EPHA6: variants seen among roughly 807,000 people sequenced by gnomAD.
EPHA6 encodes the protein EPH receptor A6, also known as ephrin type-A receptor 6.
EPHA6 carries 50 observed loss-of-function variants against 112.0 expected under a neutral mutation model. The observed-to-expected ratio is 0.45, with a 90% CI of 0.36 to 0.56. EPHA6 has a LOEUF of 0.56. EPHA6 is among the 20% of genes least tolerant of loss of function. The pLI is 0.00. For missense variants in EPHA6, 1,280 were observed against 1,417.4 expected (o/e 0.90, Z 1.56); for synonymous variants, 529 against 490.7 (o/e 1.08, Z -1.03).
At chr3:96,960,824 C>T (rs1457935350) in intron 2 of EPHA6, among the ~76,000 whole-genome samples, 1 of 152,140 alleles carries the variant, frequency 6.6e-6, no homozygotes, top group East Asian at 1.9e-4. Flanking sequence ...TATATCATAG[C>T]TGATTTCAGC....
intron 6 of EPHA6, among the ~76,000 whole-genome samples, chr3:97,418,283 A>T (rs1015919345): frequency 6.6e-6 from 1 of 151,986 alleles, no homozygotes; most frequent in African/African-American, 2.4e-5. Context: ...ACTGGACTTC[A>T]TTCTAAGAAA....
chr3:96,891,786 C>G (rs2037980567), intron 2 of EPHA6, among the ~76,000 whole-genome samples: 1 of 152,140 alleles, frequency 6.6e-6, no homozygotes. Flanking sequence ...GGGTCTGTTC[C>G]ATTTGAGAAA....
intron 15 of EPHA6, among the ~76,000 whole-genome samples, chr3:97,730,030 A>G (rs1559633123): frequency 6.6e-6 from 1 of 152,114 alleles, no homozygotes; most frequent in Admixed American, 6.6e-5. Flanking sequence ...ATAAATAACT[A>G]AATTCAACGT....
At chr3:97,671,523 G>C (rs1299576907) in intron 14 of EPHA6, among the ~76,000 whole-genome samples, 1 of 152,098 alleles carries the variant, frequency 6.6e-6, no homozygotes, top group African/African-American at 2.4e-5. Flanking sequence ...GAAAATATGG[G>C]TTTGTGAGAG....
chr3:97,740,673 CTG>C (rs1450498195), intron 16 of EPHA6, among the ~76,000 whole-genome samples: 1 of 152,120 alleles, frequency 6.6e-6, no homozygotes, highest in African/African-American at 2.4e-5. Context: ...CTTTAAAAAA[CTG>C]TGAATAATGC....
intron 5 of EPHA6, among the ~76,000 whole-genome samples, chr3:97,268,965 CTA>C (rs1346925071): frequency 6.6e-6 from 1 of 152,104 alleles, no homozygotes; most frequent in African/African-American, 2.4e-5. Context: ...GAGTTTCTAA[CTA>C]TATGTTACTT....
chr3:97,625,908 G>A (rs1219474187), intron 13 of EPHA6, among the ~76,000 whole-genome samples: 2 of 151,620 alleles, frequency 1.3e-5, no homozygotes, highest in South Asian at 4.1e-4. Flanking sequence ...CCCAAGACTG[G>A]AGTGTTGGGA....
intron 2 of EPHA6, among the ~76,000 whole-genome samples, chr3:96,879,460 A>G (rs1210033200): frequency 6.6e-6 from 1 of 152,100 alleles, no homozygotes; most frequent in East Asian, 1.9e-4. Flanking sequence ...GGGAAGGTAC[A>G]GGGGAGGGAA....
intron 5 of EPHA6, among the ~76,000 whole-genome samples, chr3:97,300,307 C>T (rs1473583504): frequency 4.6e-5 from 7 of 152,160 alleles, no homozygotes; most frequent in Admixed American, 3.9e-4. Context: ...TTAAAAGCCA[C>T]TGTGCACTTC....
chr3:97,688,724 A>T (rs991364003), intron 14 of EPHA6, among the ~76,000 whole-genome samples: 3 of 120,632 alleles, frequency 2.5e-5, no homozygotes, highest in Non-Finnish European at 5.0e-5. Flanking sequence ...AAAGTATAAT[A>T]AAAAAAAAAA....
In EPHA6 at chr3:97,484,246, A is replaced by G. The variant is rs149247515; in HGVS notation, c.2200+187A>G. Among the ~76,000 whole-genome samples, 1,209 of 152,318 alleles carry G rather than the reference A, an allele frequency of 7.9e-3. 17 individuals are homozygous for G. Among genetic ancestry groups the G allele is most frequent in the African/African-American group, 0.028 (1,156 of 41,552 alleles). ...AGTGTCCATTTGTTTCCAAACAATG[A>G]CAACATTCACAAAAGTTACTTTTAA... On this transcript the variant is annotated intron_variant, in intron 10 of 17. Transcript: ENST00000389672.
At chr3:97,297,021 T>C (rs1488465674) in intron 5 of EPHA6, among the ~76,000 whole-genome samples, 1 of 152,104 alleles carries the variant, frequency 6.6e-6, no homozygotes, top group Non-Finnish European at 1.5e-5. Flanking sequence ...TGCAGCTGCT[T>C]AGGTTTGGGG....
At chr3:97,207,263 A>G (rs1454431273) in intron 3 of EPHA6, among the ~76,000 whole-genome samples, 1 of 152,166 alleles carries the variant, frequency 6.6e-6, no homozygotes, top group Non-Finnish European at 1.5e-5. Flanking sequence ...AGGGTCACTT[A>G]TTTATTTTGT....
chr3:97,240,696 A>G (rs1026892903), intron 4 of EPHA6, among the ~76,000 whole-genome samples: 1 of 151,798 alleles, frequency 6.6e-6, no homozygotes, highest in African/African-American at 2.4e-5. Context: ...CTTCTGTGTC[A>G]GACTTTATTT....
chr3:97,161,910 G>T (rs977088287), intron 3 of EPHA6, among the ~76,000 whole-genome samples: 1 of 152,184 alleles, frequency 6.6e-6, no homozygotes, highest in Non-Finnish European at 1.5e-5. Context: ...CTGGAGAGAT[G>T]ATGTATCTCT....
At chr3:97,652,457 A>G (rs2094113666) in intron 14 of EPHA6, among the ~76,000 whole-genome samples, 1 of 152,066 alleles carries the variant, frequency 6.6e-6, no homozygotes, top group African/African-American at 2.4e-5. Context: ...GAAATAAATC[A>G]GGATTTATAT....
At chr3:97,167,890 C>G (rs558123905) in intron 3 of EPHA6, among the ~76,000 whole-genome samples, 1 of 151,722 alleles carries the variant, frequency 6.6e-6, no homozygotes, top group East Asian at 1.9e-4. Context: ...ACCATAGCAT[C>G]CATTTTAATA....
chr3:96,917,637 C>T (rs144586031), intron 2 of EPHA6, among the ~76,000 whole-genome samples: 3 of 151,924 alleles, frequency 2.0e-5, no homozygotes, highest in Non-Finnish European at 4.4e-5. Context: ...AACCACTGCG[C>T]TAAGGCTGTC....
chr3:97,038,889 G>A (rs534369647), intron 3 of EPHA6, among the ~76,000 whole-genome samples: 30 of 152,138 alleles, frequency 2.0e-4, no homozygotes, highest in African/African-American at 6.7e-4. Flanking sequence ...TGTGTTCAGA[G>A]TTTTTTCACT....
Sources: gnomAD v4.1 joint callset for allele counts (sites outside exome capture counted in the v4.1 genomes callset) on GRCh38, gnomAD v4.1.1 for gene constraint, MANE v1.5 for transcripts, NCBI Gene and HGNC (gene_info 2026-07-23, HGNC 2026-07-21) for gene names.